Variants in ZNF385B observed in about 807,000 individuals in gnomAD.
ZNF385B encodes zinc finger protein 385B, also known as zinc finger protein 533.
In ZNF385B, 23 loss-of-function variants were observed where a neutral mutation model predicts 39.2. The ratio of observed to expected loss-of-function variants is 0.59; its 90% CI spans 0.42 to 0.83. The LOEUF (loss-of-function observed/expected upper bound fraction) is 0.83, where lower values mean the gene tolerates loss of function less well. Among genes scored for constraint, ZNF385B ranks in the 40% least tolerant of loss-of-function variants. ZNF385B has a pLI of 0.00. For missense variants in ZNF385B, 552 were observed against 598.9 expected, an observed-to-expected ratio of 0.92 and a Z score of 0.82; for synonymous variants, 205 against 222.6, an observed-to-expected ratio of 0.92 and a Z score of 0.70.
intron 6 of ZNF385B, among the ~76,000 whole-genome samples, chr2:179,468,427 C>T (rs928479198): frequency 3.3e-5 from 5 of 152,184 alleles, no homozygotes; most frequent in Admixed American, 3.3e-4. Context: ...ACAGTTATTT[C>T]TGAGGCAGCT....
At chr2:179,814,752 G>T in intron 1 of ZNF385B, 1 of 190,166 alleles carries the variant, frequency 5.3e-6, no homozygotes. Flanking sequence ...TCAAGCCTTT[G>T]GAAAAGTACA....
intron 5 of ZNF385B, among the ~76,000 whole-genome samples, chr2:179,507,988 A>G (rs925319139): frequency 6.6e-6 from 1 of 152,200 alleles, no homozygotes; most frequent in Non-Finnish European, 1.5e-5. Context: ...TCATTTAAAG[A>G]GCGCTTGAGA....
At chr2:179,612,549 C>T (rs1234395748) in intron 3 of ZNF385B, among the ~76,000 whole-genome samples, 4 of 152,074 alleles carry the variant, frequency 2.6e-5, no homozygotes, top group South Asian at 2.1e-4. Context: ...CAGGCAGATA[C>T]TCTTGTTCTC....
At chr2:179,601,277 G>A (rs1453607031) in intron 3 of ZNF385B, among the ~76,000 whole-genome samples, 1 of 152,154 alleles carries the variant, frequency 6.6e-6, no homozygotes. Flanking sequence ...TTTGGGCTGG[G>A]TGAAGCAAGA....
At chr2:179,537,757 ACAAACAAAC>A (rs761342326) in intron 4 of ZNF385B, among the ~76,000 whole-genome samples, 16 of 111,738 alleles carry the variant, frequency 1.4e-4, no homozygotes, top group South Asian at 3.0e-4. Flanking sequence ...AAACAAACAA[ACAAACAAAC>A]AAAAAAAAAA....
chr2:179,817,159 T>C (rs906484777), intron 1 of ZNF385B, among the ~76,000 whole-genome samples: 11 of 152,188 alleles, frequency 7.2e-5, no homozygotes, highest in Admixed American at 2.6e-4. Context: ...TGTCTCCTAT[T>C]GAAATACTAA....
At position 179,630,153 on chromosome 2, in the gene ZNF385B, G is replaced by C. The variant is rs533325622; in HGVS notation, c.299-85184C>G. On this transcript the variant is annotated intron_variant, in intron 3 of 9. Transcript: ENST00000410066. ...AATGTCCCTGTCTGACAGCTCAGAA[G>C]AGAGCAGTGGTTCTCCAAGCATGGC... 4.6e-5 allele frequency among the ~76,000 whole-genome samples: 7 copies of C among 152,382 alleles called. No individual in the cohort carries two copies. The South Asian group carries it at 1.2e-3, about 27-fold the overall frequency.
chr2:179,594,990 G>A (rs560436362), intron 3 of ZNF385B, among the ~76,000 whole-genome samples: 90 of 151,900 alleles, frequency 5.9e-4, no homozygotes, highest in Admixed American at 1.9e-3. Flanking sequence ...AGTTAGAAAC[G>A]ACTAGAAAAA....
chr2:179,848,183 T>C (rs1215061172), intron 1 of ZNF385B, among the ~76,000 whole-genome samples: 1 of 152,226 alleles, frequency 6.6e-6, no homozygotes, highest in Admixed American at 6.5e-5. Context: ...AAATTTATTA[T>C]GCTCCATTTC....
intron 3 of ZNF385B, among the ~76,000 whole-genome samples, chr2:179,572,417 T>C (rs1685326364): frequency 6.6e-6 from 1 of 151,952 alleles, no homozygotes; most frequent in Non-Finnish European, 1.5e-5. Context: ...GGAAAAACAC[T>C]GATATGGCAA....
At chr2:179,846,754 T>C (rs1006659506) in intron 1 of ZNF385B, among the ~76,000 whole-genome samples, 1 of 152,248 alleles carries the variant, frequency 6.6e-6, no homozygotes. Context: ...CCTGATTCTG[T>C]AGCTTTCAGG....
At chr2:179,538,884 T>TA (rs1483320629) in intron 4 of ZNF385B, among the ~76,000 whole-genome samples, 1 of 152,190 alleles carries the variant, frequency 6.6e-6, no homozygotes, top group Non-Finnish European at 1.5e-5. Context: ...AATAGGCACA[T>TA]AAAACACCTG....
chr2:179,705,248 T>C (rs1282651251), intron 3 of ZNF385B, among the ~76,000 whole-genome samples: 1 of 152,148 alleles, frequency 6.6e-6, no homozygotes, highest in Non-Finnish European at 1.5e-5. Flanking sequence ...TAGGAGTGGG[T>C]TCCTGTCCTC....
chr2:179,818,844 A>G (rs192309426), intron 1 of ZNF385B, among the ~76,000 whole-genome samples: 1 of 152,232 alleles, frequency 6.6e-6, no homozygotes, highest in Admixed American at 6.5e-5. Context: ...ATAAAACCCA[A>G]GATAAACCTG....
At chr2:179,676,213 C>G (rs534051100) in intron 3 of ZNF385B, among the ~76,000 whole-genome samples, 1 of 151,876 alleles carries the variant, frequency 6.6e-6, no homozygotes, top group Non-Finnish European at 1.5e-5. Flanking sequence ...CTCAGCCTCC[C>G]GAGTAGCTGG....
intron 3 of ZNF385B, among the ~76,000 whole-genome samples, chr2:179,749,197 AC>A (rs1319287592): frequency 6.6e-6 from 1 of 151,916 alleles, no homozygotes; most frequent in Non-Finnish European, 1.5e-5. Context: ...AGCTCCCTAT[AC>A]CTTTCACATC....
chr2:179,527,397 C>A (rs1267138410), intron 4 of ZNF385B, among the ~76,000 whole-genome samples: 1 of 151,906 alleles, frequency 6.6e-6, no homozygotes, highest in Admixed American at 6.6e-5. Context: ...TTGAAAAGCT[C>A]TGGGATTCAC....
intron 6 of ZNF385B, among the ~76,000 whole-genome samples, chr2:179,466,156 T>C (rs2051984890): frequency 6.6e-6 from 1 of 152,188 alleles, no homozygotes; most frequent in Non-Finnish European, 1.5e-5. Context: ...TTAATGTCAC[T>C]TGAGGTTAAA....
intron 1 of ZNF385B, among the ~76,000 whole-genome samples, chr2:179,835,586 C>T (rs1012195849): frequency 2.0e-5 from 3 of 152,142 alleles, no homozygotes; most frequent in Non-Finnish European, 4.4e-5. Flanking sequence ...CCATACCAAC[C>T]ACTGCACTAT....
Sources: gnomAD v4.1 joint callset for allele counts (sites outside exome capture counted in the v4.1 genomes callset) on GRCh38, gnomAD v4.1.1 for gene constraint, MANE v1.5 for transcripts, NCBI Gene and HGNC (gene_info 2026-07-23, HGNC 2026-07-21) for gene names.